Variants in TAB2 observed in about 807,000 individuals in gnomAD.
TAB2 encodes the protein TGF-beta-activated kinase 1 and MAP3K7-binding protein 2.
In TAB2, 3 loss-of-function variants were observed where a neutral mutation model predicts 65.0. The observed-to-expected ratio is 0.05, with a 90% CI of 0.02 to 0.12. The LOEUF is 0.12. Among genes scored for constraint, TAB2 ranks in the 10% least tolerant of loss-of-function variants. TAB2 has a pLI of 1.00. For synonymous variants in TAB2, 298 were observed against 285.1 expected (o/e 1.05, Z -0.46); for missense variants, 623 against 840.3 (o/e 0.74, Z 3.20).
chr6:149,333,703 TC>T (rs1268168595), intron 1 of TAB2, among the ~76,000 whole-genome samples: 1 of 138,152 alleles, frequency 7.2e-6, no homozygotes, highest in Non-Finnish European at 1.5e-5. Context: ...TATTTCCAGA[TC>T]CATAGTGTGT....
intron 1 of TAB2, among the ~76,000 whole-genome samples, chr6:149,235,624 C>A (rs1432322718): frequency 6.6e-6 from 1 of 152,178 alleles, no homozygotes; most frequent in Non-Finnish European, 1.5e-5. Context: ...ACTGGGGGTC[C>A]ACAAGAAACA....
chr6:149,219,292 T>C (rs1777090035), intron 1 of TAB2, among the ~76,000 whole-genome samples: 1 of 148,812 alleles, frequency 6.7e-6, no homozygotes, highest in South Asian at 2.2e-4. Context: ...ACCAAGTGTT[T>C]CATATTTTAA....
chr6:149,394,649 G>A, intron 3 of TAB2, among the ~76,000 whole-genome samples: 1 of 152,142 alleles, frequency 6.6e-6, no homozygotes, highest in Admixed American at 6.5e-5. Flanking sequence ...TTTGGGTTTT[G>A]TTGTTGCCTT....
intron 3 of TAB2, among the ~76,000 whole-genome samples, chr6:149,383,172 A>G (rs1301577555): frequency 6.6e-6 from 1 of 152,106 alleles, no homozygotes; most frequent in East Asian, 1.9e-4. Flanking sequence ...AAAGAAGAAA[A>G]AAAAAGGAAA....
chr6:149,297,060 ATC>A (rs558107680), intron 1 of TAB2, among the ~76,000 whole-genome samples: 656 of 148,150 alleles, frequency 4.4e-3, no homozygotes, highest in Non-Finnish European at 5.2e-3. Context: ...CATCCTCTCT[ATC>A]TCTCTCTCTC....
At chr6:149,402,552 ACT>A (rs1562455635) in intron 6 of TAB2, among the ~76,000 whole-genome samples, 1 of 148,100 alleles carries the variant, frequency 6.8e-6, no homozygotes, top group Admixed American at 6.7e-5. Flanking sequence ...TCTGTCAAAC[ACT>A]CAAACAAGAA....
chr6:149,397,337 A>C (rs1782205902), intron 3 of TAB2, among the ~76,000 whole-genome samples: 1 of 152,072 alleles, frequency 6.6e-6, no homozygotes, highest in Non-Finnish European at 1.5e-5. Flanking sequence ...GCTACTTGGG[A>C]GGCTGAGGCA....
chr6:149,389,074 G>C (rs1290391560), intron 3 of TAB2, among the ~76,000 whole-genome samples: 1 of 150,234 alleles, frequency 6.7e-6, no homozygotes, highest in Non-Finnish European at 1.5e-5. Context: ...CCCTGCCTCA[G>C]CCTCCCCAGT....
chr6:149,340,212 A>G (rs1157126507), intron 1 of TAB2, among the ~76,000 whole-genome samples: 1 of 152,232 alleles, frequency 6.6e-6, no homozygotes, highest in Non-Finnish European at 1.5e-5. Flanking sequence ...AAGATGCCAG[A>G]GGAACAAGTG....
At chr6:149,371,020 C>G (rs1390354775) in intron 2 of TAB2, among the ~76,000 whole-genome samples, 1 of 133,022 alleles carries the variant, frequency 7.5e-6, no homozygotes, top group Non-Finnish European at 1.6e-5. Flanking sequence ...GAGCTGGGAT[C>G]GCGCCACTAC....
chr6:149,293,804 T>C (rs1400510010), intron 1 of TAB2, among the ~76,000 whole-genome samples: 1 of 152,174 alleles, frequency 6.6e-6, no homozygotes, highest in Non-Finnish European at 1.5e-5. Context: ...TCTGATAATA[T>C]GAAAAGAACC....
intron 2 of TAB2, among the ~76,000 whole-genome samples, chr6:149,371,857 A>G (rs1701730929): frequency 1.3e-5 from 2 of 152,334 alleles, no homozygotes; most frequent in Middle Eastern, 6.8e-3. Flanking sequence ...AACATGTAAT[A>G]AAGATGGAGT....
At chr6:149,270,711 A>T (rs1342463359) in intron 1 of TAB2, among the ~76,000 whole-genome samples, 2 of 152,238 alleles carry the variant, frequency 1.3e-5, no homozygotes, top group Non-Finnish European at 2.9e-5. Flanking sequence ...GCACATTTTC[A>T]TCACAGATGC....
At chr6:149,294,848 C>T (rs1778846811) in intron 1 of TAB2, among the ~76,000 whole-genome samples, 1 of 152,142 alleles carries the variant, frequency 6.6e-6, no homozygotes, top group South Asian at 2.1e-4. Context: ...TTTAGTTTTC[C>T]TCACAGAATT....
Position 149,358,744 on chromosome 6 carries a change from T to C in TAB2, c.-89-11165T>C, listed in dbSNP as rs1028377419. 3.3e-5 allele frequency among the ~76,000 whole-genome samples: 5 copies of C among 151,946 alleles called. No individual in the cohort carries two copies. The East Asian group carries it at 9.7e-4, about 29-fold the overall frequency. ...CTCTTTGAATTTTGCCTTTCCCTTA[T>C]TCTTTCATATCTTTCTACAAGTCCT... On this transcript the variant is annotated intron_variant, in intron 1 of 6. Coordinates refer to ENST00000637181, the MANE Select transcript of TAB2 (RefSeq NM_001292034.3).
Position 149,400,339 on chromosome 6 carries a change from G to A in TAB2, c.1939+1155G>A, listed in dbSNP as rs575355265. 87 of 1,582,110 alleles carry A rather than the reference G, an allele frequency of 5.5e-5. No individual in the cohort carries two copies. The South Asian group carries it at 8.0e-4, about 15-fold the overall frequency. On this transcript the variant is annotated intron_variant, in intron 6 of 6. Transcript: ENST00000637181. ...TGCTGCTCGTGTACTCGTTAGGTGC[G>A]GACCCGCCACCTCTTTTGTGAAGCA... is the stretch of plus-strand genomic sequence containing the variant.
At chr6:149,303,863 T>C (rs991312328) in intron 1 of TAB2, among the ~76,000 whole-genome samples, 3 of 152,148 alleles carry the variant, frequency 2.0e-5, no homozygotes, top group Non-Finnish European at 4.4e-5. Flanking sequence ...GTCAGGAAAG[T>C]GGGGATCTAA....
At chr6:149,264,096 G>A (rs886135062) in intron 1 of TAB2, among the ~76,000 whole-genome samples, 12 of 152,320 alleles carry the variant, frequency 7.9e-5, no homozygotes, top group East Asian at 3.9e-4. Context: ...GTGTTGGCCC[G>A]AGGACCCAGC....
rs1583035727 is a variant in TAB2, at chr6:149,232,993, T to A, written c.-121+14217T>A. 1.3e-5 allele frequency among the ~76,000 whole-genome samples: 2 copies of A among 151,850 alleles called. 1 individual carries two copies. The highest frequency in any genetic ancestry group is 4.2e-4 in the South Asian group (2 of 4,812). On this transcript the variant is annotated intron_variant, in intron 1 of 1. Transcript: ENST00000606202. Reference sequence around the variant, plus strand: ...GCACAGCTGACATCCTGGCCAGGAGTACCCACTCCCATGCCAGGGCATAGT... The same window carrying A: ...GCACAGCTGACATCCTGGCCAGGAGAACCCACTCCCATGCCAGGGCATAGT...
Sources: allele counts gnomAD v4.1 joint callset (sites outside exome capture counted in the v4.1 genomes callset), GRCh38; gene constraint gnomAD v4.1.1; transcripts MANE v1.5; gene names NCBI Gene and HGNC (gene_info 2026-07-23, HGNC 2026-07-21).